Variants in RHPN2 observed in about 807,000 individuals in gnomAD.
RHPN2 encodes rhophilin Rho GTPase binding protein 2, also known as rhophilin-2.
Under a neutral mutation model 79.0 loss-of-function variants are expected in RHPN2, and 40 were observed. That is an observed-to-expected ratio of 0.51 (90% CI 0.39 to 0.66). The LOEUF (loss-of-function observed/expected upper bound fraction) is 0.66, where lower values mean the gene tolerates loss of function less well. RHPN2 is among the 30% of genes least tolerant of loss of function. RHPN2 has a pLI of 0.00. For missense variants in RHPN2, 686 were observed against 883.5 expected (o/e 0.78, Z 2.83); for synonymous variants, 285 against 363.5 (o/e 0.78, Z 2.46).
In RHPN2 at chr19:32,979,916, A is replaced by G; in HGVS notation, c.*80T>C. 1 of 1,507,838 alleles carries G rather than the reference A, an allele frequency of 6.6e-7. No individual in the cohort carries two copies. The highest frequency in any genetic ancestry group is 1.4e-5 in the African/African-American group (1 of 72,662). The allele number at this position is 1,507,838 out of a possible 1,614,324, so 93.4% of individuals were successfully genotyped here. A position where few individuals can be genotyped will look rare whatever the true frequency, so the allele number is the denominator to read the frequency against. The stretch of plus-strand genomic sequence containing the variant: ...AGGATTTGAGAACAGATAGATAGAT[A>G]TTTTCCATTATGGCACAAACGTTTA... On this transcript the variant is annotated 3_prime_UTR_variant, in exon 15 of 15. Coordinates refer to ENST00000254260, the MANE Select transcript of RHPN2 (RefSeq NM_033103.5).
intron 14 of RHPN2, 43 bp from the exon 15 acceptor site, chr19:32,980,299 A>C (rs200886370): frequency 8.1e-5 from 131 of 1,613,474 alleles, no homozygotes; most frequent in Middle Eastern, 1.7e-4. Flanking sequence ...GGCATCATCA[A>C]GATAGATGAT....
chr19:32,985,669 T>C (rs1168483470), intron 14 of RHPN2, among the ~76,000 whole-genome samples: 1 of 152,186 alleles, frequency 6.6e-6, no homozygotes, highest in Non-Finnish European at 1.5e-5. Flanking sequence ...TCTCACTCTG[T>C]CACGCAGGCT....
At chr19:32,982,233 C>T (rs1308883281) in intron 14 of RHPN2, among the ~76,000 whole-genome samples, 1 of 151,856 alleles carries the variant, frequency 6.6e-6, no homozygotes, top group Non-Finnish European at 1.5e-5. Flanking sequence ...CATGGTGAAA[C>T]CCCATCTCTA....
At chr19:32,986,363 T>C (rs1971613105) in intron 14 of RHPN2, among the ~76,000 whole-genome samples, 1 of 152,230 alleles carries the variant, frequency 6.6e-6, no homozygotes, top group Non-Finnish European at 1.5e-5. Flanking sequence ...AACCTCCTTT[T>C]GGACAAACGT....
chr19:32,991,910 G>A lies in RHPN2; in HGVS notation c.1557C>T (p.Phe519=). The A allele has an allele frequency of 6.2e-7, 1 of 1,613,978 alleles. No homozygotes were observed. Among genetic ancestry groups the A allele is most frequent in the Non-Finnish European group, 8.5e-7 (1 of 1,179,864 alleles). Reference sequence around the variant, plus strand: ...ACCCCAAGTCCCCTTCTTCTGCAGTGAAGCGGATGCTTCGAGGAGGCGTCC... The same window carrying A: ...ACCCCAAGTCCCCTTCTTCTGCAGTAAAGCGGATGCTTCGAGGAGGCGTCC... ...KRWTPPRSIR[F]TAEEGDLGFT... Residue 519 remains phenylalanine, a synonymous_variant, in exon 13 of 15, where the codon TTC becomes TTT. Coordinates refer to ENST00000254260, the MANE Select transcript of RHPN2 (RefSeq NM_033103.5).
At chr19:33,002,208 C>G (rs377125750) in intron 9 of RHPN2, 39 bp downstream of exon 9, 312 of 1,605,346 alleles carry the variant, frequency 1.9e-4, no homozygotes, top group Non-Finnish European at 2.5e-4. Context: ...GCAGCTGGAC[C>G]ACAGCCCTCG....
In RHPN2 at chr19:33,063,747, G is replaced by A. The variant is rs1972301015; in HGVS notation, c.69+1037C>T. On this transcript the variant is annotated intron_variant, in intron 1 of 14. Coordinates refer to ENST00000254260, the MANE Select transcript of RHPN2 (RefSeq NM_033103.5). ...TTTTGAGGGACTGAGCTCCCTGACT[G>A]TTATCTTCTGGGCCCAAGAGCTCCT... is the stretch of plus-strand genomic sequence containing the variant. Among the ~76,000 whole-genome samples, 4 of 64,444 alleles carry A rather than the reference G, an allele frequency of 6.2e-5. No homozygotes were observed. The South Asian group carries it at 3.1e-3, about 50-fold the overall frequency. The allele number at this position is 64,444 out of a possible 152,430, so 42.3% of individuals were successfully genotyped here.
intron 7 of RHPN2, among the ~76,000 whole-genome samples, chr19:33,007,557 G>A (rs16967712): frequency 0.11 from 16,231 of 151,646 alleles, 1,402 homozygotes; most frequent in African/African-American, 0.25. Flanking sequence ...CACTGATAAG[G>A]TACACCTAAT....
chr19:33,007,749 GT>G (rs71340516), intron 7 of RHPN2, among the ~76,000 whole-genome samples: 27,486 of 137,890 alleles, frequency 0.2, 2,485 homozygotes, highest in South Asian at 0.27. Context: ...CACCGAGCAA[GT>G]TTTTTTTTTT....
chr19:33,018,311 A>C (rs1211078674), intron 4 of RHPN2, among the ~76,000 whole-genome samples: 1 of 152,086 alleles, frequency 6.6e-6, no homozygotes, highest in Non-Finnish European at 1.5e-5. Context: ...CCTGGGCAAC[A>C]GAGTGAGACT....
chr19:33,046,743 A>G (rs1265533971), intron 1 of RHPN2, among the ~76,000 whole-genome samples: 1 of 152,142 alleles, frequency 6.6e-6, no homozygotes, highest in African/African-American at 2.4e-5. Context: ...GTGCTGTCTC[A>G]CATCGTGGTT....
At chr19:33,049,200 A>G (rs1972167978) in intron 1 of RHPN2, among the ~76,000 whole-genome samples, 1 of 152,190 alleles carries the variant, frequency 6.6e-6, no homozygotes, top group Admixed American at 6.5e-5. Flanking sequence ...AACTTCCCTG[A>G]GAGGTAAATC....
At chr19:33,015,515 C>T (rs1486548371) in intron 4 of RHPN2, among the ~76,000 whole-genome samples, 6 of 150,992 alleles carry the variant, frequency 4.0e-5, no homozygotes, top group Non-Finnish European at 8.8e-5. Flanking sequence ...AGCCTAATTC[C>T]AAACATTCTC....
At chr19:32,997,492 T>C (rs2146006285) in intron 10 of RHPN2, among the ~76,000 whole-genome samples, 1 of 151,326 alleles carries the variant, frequency 6.6e-6, no homozygotes, top group South Asian at 2.1e-4. Context: ...AGAAAGGCTT[T>C]TTTTTTTTCT....
chr19:33,022,191 G>A (rs988292206), intron 3 of RHPN2, among the ~76,000 whole-genome samples: 6 of 152,120 alleles, frequency 3.9e-5, no homozygotes, highest in South Asian at 4.1e-4. Context: ...CAAGCGATCC[G>A]CCCACCTTGG....
In RHPN2 at chr19:33,055,021, C is replaced by G. The variant is rs550352135; in HGVS notation, c.69+9763G>C. On this transcript the variant is annotated intron_variant, in intron 1 of 14. Transcript: ENST00000254260. ...ACCATGCAGCTGGGCAGACCCTCCC[C>G]TCTCCAAGGCCACAGTCAGCCTGGA... Among the ~76,000 whole-genome samples, 10 of 152,250 alleles carry G rather than the reference C, an allele frequency of 6.6e-5. No individual in the cohort carries two copies. The South Asian group carries it at 2.1e-3, about 32-fold the overall frequency.
chr19:32,983,774 A>G (rs1038011334), intron 14 of RHPN2, among the ~76,000 whole-genome samples: 6 of 151,424 alleles, frequency 4.0e-5, no homozygotes, highest in Non-Finnish European at 1.5e-5. Flanking sequence ...TTACAGGCAC[A>G]TGCCACCACA....
chr19:33,003,852 G>A (rs1047605223), intron 7 of RHPN2, among the ~76,000 whole-genome samples: 13 of 152,228 alleles, frequency 8.5e-5, no homozygotes, highest in Admixed American at 3.3e-4. Context: ...GTTTAACTGA[G>A]TACAGAGCTT....
At chr19:32,992,615 C>G (rs1025004979) in intron 12 of RHPN2, among the ~76,000 whole-genome samples, 2 of 152,044 alleles carry the variant, frequency 1.3e-5, no homozygotes, top group Non-Finnish European at 2.9e-5. Flanking sequence ...TTGAGACCAG[C>G]CTAGGCAATA....
Sources: allele counts gnomAD v4.1 joint callset (sites outside exome capture counted in the v4.1 genomes callset), GRCh38; gene constraint gnomAD v4.1.1; transcripts MANE v1.5; gene names NCBI Gene and HGNC (gene_info 2026-07-23, HGNC 2026-07-21).